RAD51B: variants seen among roughly 807,000 people sequenced by gnomAD.
The protein encoded by RAD51B is RAD51 paralog B.
A neutral mutation model predicts 42.2 loss-of-function variants in RAD51B; 38 were observed. That is an observed-to-expected ratio of 0.90 (90% CI 0.70 to 1.18). The LOEUF is 1.18. Among genes scored for constraint, RAD51B ranks in the 50% most tolerant of loss-of-function variants. The probability of loss-of-function intolerance (pLI) is 0.00; values close to 1 mark genes in which losing one functional copy is unlikely to be tolerated. For synonymous variants in RAD51B, 154 were observed against 145.2 expected (o/e 1.06, Z -0.43); for missense variants, 373 against 400.7 (o/e 0.93, Z 0.59).
chr14:68,625,950 G>T (rs1182195018), intron 10 of RAD51B, among the ~76,000 whole-genome samples: 3 of 152,176 alleles, frequency 2.0e-5, no homozygotes, highest in Non-Finnish European at 4.4e-5. Flanking sequence ...ACTCCCCCAT[G>T]GTGTGGCTGG....
At chr14:68,601,375 C>T (rs932029545) in intron 10 of RAD51B, among the ~76,000 whole-genome samples, 3 of 152,074 alleles carry the variant, frequency 2.0e-5, no homozygotes, top group Admixed American at 6.5e-5. Flanking sequence ...TGGTTGGCAG[C>T]GTCATTTTCA....
chr14:68,165,653 G>C (rs761718019), intron 7 of RAD51B, among the ~76,000 whole-genome samples: 3 of 152,124 alleles, frequency 2.0e-5, no homozygotes, highest in Non-Finnish European at 4.4e-5. Context: ...GTAACTTCTA[G>C]TCAGTCCAAG....
intron 7 of RAD51B, among the ~76,000 whole-genome samples, chr14:68,218,616 A>G (rs1196595218): frequency 6.6e-6 from 1 of 152,258 alleles, no homozygotes; most frequent in Non-Finnish European, 1.5e-5. Context: ...CTTCAAATGC[A>G]TAATTATGAC....
chr14:68,558,394 G>A (rs745575732), intron 10 of RAD51B, among the ~76,000 whole-genome samples: 68 of 152,356 alleles, frequency 4.5e-4, no homozygotes, highest in African/African-American at 1.6e-3. Context: ...AGCCACGCGG[G>A]TACTTTACTG....
At chr14:67,947,812 G>A (rs1475563498) in intron 7 of RAD51B, among the ~76,000 whole-genome samples, 1 of 152,132 alleles carries the variant, frequency 6.6e-6, no homozygotes, top group African/African-American at 2.4e-5. Context: ...TTTGTGTTCT[G>A]ATGTATATAT....
rs1266115967 is a variant in RAD51B, at chr14:68,611,046, C to A, written c.1077C>A (p.Cys359Ter). 1 of 703,182 alleles carries A rather than the reference C, an allele frequency of 1.4e-6. No homozygotes were observed. 43.6% of individuals were successfully genotyped at this position (703,182 alleles called of 1,614,324 possible). Residue 359 changes from cysteine to a stop codon, truncating the protein, a stop_gained, in exon 11 of 11, where the codon TGC becomes TGA. Transcript: ENST00000487861. LOFTEE classifies it low-confidence loss of function (END_TRUNC). The stretch of plus-strand genomic sequence containing the variant: ...CCAGAGTCAGCCCCAGGTCAGAATG[C>A]TGGTCAGCAGCAGACTCACATCCCA...
intron 7 of RAD51B, among the ~76,000 whole-genome samples, chr14:68,091,665 G>C (rs1209935920): frequency 6.6e-6 from 1 of 152,154 alleles, no homozygotes; most frequent in Non-Finnish European, 1.5e-5. Context: ...TCACTCTGAT[G>C]GTAGTTTCTT....
intron 10 of RAD51B, among the ~76,000 whole-genome samples, chr14:68,518,456 C>CG (rs1311499396): frequency 6.6e-6 from 1 of 152,008 alleles, no homozygotes; most frequent in Non-Finnish European, 1.5e-5. Context: ...TTCGCCTAGT[C>CG]GGGGGGCGGG....
intron 7 of RAD51B, among the ~76,000 whole-genome samples, chr14:68,239,495 C>A (rs1252405482): frequency 2.6e-5 from 4 of 152,050 alleles, no homozygotes; most frequent in African/African-American, 4.8e-5. Flanking sequence ...AAAAAGCTGT[C>A]CTTCTCCACA....
intron 10 of RAD51B, among the ~76,000 whole-genome samples, chr14:68,648,004 C>CATAT (rs374934304): frequency 0.028 from 3,006 of 108,638 alleles, 199 homozygotes; most frequent in African/African-American, 0.089. Context: ...AAAAATTGAG[C>CATAT]ATATATATAT....
intron 7 of RAD51B, among the ~76,000 whole-genome samples, chr14:68,182,020 G>A (rs1473118776): frequency 1.3e-5 from 2 of 152,144 alleles, no homozygotes; most frequent in African/African-American, 2.4e-5. Context: ...TGGTTTCCAT[G>A]CCCTAGAGCA....
At chr14:68,599,711 G>A (rs1891143112), downstream of RAD51B, among the ~76,000 whole-genome samples, 1 of 152,170 alleles carries the variant, frequency 6.6e-6, no homozygotes, top group South Asian at 2.1e-4. Context: ...GTGACATGCT[G>A]GTGTTGGCCT....
rs554829744 is a variant in RAD51B at position 68,435,226 on chromosome 14, T to C, written c.957+23699T>C. Among the ~76,000 whole-genome samples, 18 of 152,306 alleles carry C rather than the reference T, an allele frequency of 1.2e-4. No homozygotes were observed. The South Asian group carries it at 3.3e-3, about 28-fold the overall frequency. ...CCAGTGTCTATTATTCTCATCTTTA[T>C]GTCCATGGGTACCCTGTACTTAGCT... is the stretch of plus-strand genomic sequence containing the variant. On this transcript the variant is annotated intron_variant, in intron 9 of 10. Transcript: ENST00000471583.
At chr14:68,601,866 C>T (rs990384053) in intron 10 of RAD51B, among the ~76,000 whole-genome samples, 5 of 152,146 alleles carry the variant, frequency 3.3e-5, no homozygotes, top group Admixed American at 6.5e-5. Context: ...TCTGTCATTC[C>T]CACAAGCCCA....
At chr14:68,444,597 G>C (rs1383153762) in intron 9 of RAD51B, among the ~76,000 whole-genome samples, 1 of 152,330 alleles carries the variant, frequency 6.6e-6, no homozygotes, top group Non-Finnish European at 1.5e-5. Flanking sequence ...ATTGGCCACA[G>C]GGCTGCACCT....
intron 9 of RAD51B, among the ~76,000 whole-genome samples, chr14:68,426,291 C>G (rs4902582): frequency 0.85 from 127,990 of 149,804 alleles, 55,016 homozygotes; most frequent in East Asian, 0.97. Context: ...GGTCAGGCTG[C>G]TTTCGAACTC....
At chr14:67,956,897 C>G (rs76345473) in intron 7 of RAD51B, among the ~76,000 whole-genome samples, 10,466 of 152,204 alleles carry the variant, frequency 0.069, 872 homozygotes, top group African/African-American at 0.2. Context: ...ATTGTAGAAA[C>G]TTCTGTTGGG....
chr14:68,303,444 A>C (rs1451264060), intron 8 of RAD51B, among the ~76,000 whole-genome samples: 4 of 131,444 alleles, frequency 3.0e-5, no homozygotes, highest in African/African-American at 1.2e-4. Context: ...GTATCCCAGA[A>C]TATAAAGTAT....
At chr14:68,085,353 C>T (rs1365816721) in intron 7 of RAD51B, among the ~76,000 whole-genome samples, 2 of 152,050 alleles carry the variant, frequency 1.3e-5, no homozygotes, top group African/African-American at 4.8e-5. Context: ...AAGTAGATAA[C>T]ATTATCCAAG....
Sources: allele counts gnomAD v4.1 joint callset (sites outside exome capture counted in the v4.1 genomes callset), GRCh38; gene constraint gnomAD v4.1.1; transcripts MANE v1.5; gene names NCBI Gene and HGNC (gene_info 2026-07-23, HGNC 2026-07-21).